PPP1R1C: variants seen among roughly 807,000 people sequenced by gnomAD.
The protein encoded by PPP1R1C is protein phosphatase 1 regulatory subunit 1C.
In PPP1R1C, 15 loss-of-function variants were observed where a neutral mutation model predicts 17.4. That is an observed-to-expected ratio of 0.86 (90% CI 0.58 to 1.33). The LOEUF (loss-of-function observed/expected upper bound fraction) is 1.33, where lower values mean the gene tolerates loss of function less well. Among genes scored for constraint, PPP1R1C ranks in the 40% most tolerant of loss-of-function variants. PPP1R1C has a pLI of 0.00. For missense variants in PPP1R1C, 143 were observed against 130.0 expected, an observed-to-expected ratio of 1.10 and a Z score of -0.48; for synonymous variants, 35 against 43.1, an observed-to-expected ratio of 0.81 and a Z score of 0.73.
At chr2:182,017,843 T>A (rs1297857180) in intron 2 of PPP1R1C, among the ~76,000 whole-genome samples, 1 of 152,176 alleles carries the variant, frequency 6.6e-6, no homozygotes, top group African/African-American at 2.4e-5. Flanking sequence ...AAGAGATGTA[T>A]GTTGAAAAAG....
At chr2:182,073,180 T>C (rs1490871748) in intron 4 of PPP1R1C, among the ~76,000 whole-genome samples, 4 of 151,914 alleles carry the variant, frequency 2.6e-5, no homozygotes, top group Non-Finnish European at 5.9e-5. Context: ...GCTGTGCTTC[T>C]TTGAGACTGA....
At chr2:182,099,031 AAATTAGT>A (rs1317860469) in intron 4 of PPP1R1C, among the ~76,000 whole-genome samples, 143 of 152,322 alleles carry the variant, frequency 9.4e-4, no homozygotes, top group Non-Finnish European at 5.0e-4. Flanking sequence ...GGAGGTCACC[AAATTAGT>A]AATAACTTGT....
At chr2:181,972,184 C>T (rs1685022077) in intron 1 of PPP1R1C, among the ~76,000 whole-genome samples, 1 of 152,092 alleles carries the variant, frequency 6.6e-6, no homozygotes, top group African/African-American at 2.4e-5. Flanking sequence ...CTTTACTCAG[C>T]CAAATTCACT....
intron 1 of PPP1R1C, among the ~76,000 whole-genome samples, chr2:181,955,594 C>A (rs972622582): frequency 6.6e-6 from 1 of 152,148 alleles, no homozygotes; most frequent in East Asian, 1.9e-4. Flanking sequence ...TCAAAGAGAT[C>A]AAAGTAAATG....
At chr2:182,048,201 T>C (rs943324036) in intron 2 of PPP1R1C, among the ~76,000 whole-genome samples, 2 of 152,200 alleles carry the variant, frequency 1.3e-5, no homozygotes, top group African/African-American at 4.8e-5. Context: ...TTCCAGTGCA[T>C]ATAACTTTAT....
intron 2 of PPP1R1C, among the ~76,000 whole-genome samples, chr2:182,021,463 GAC>G (rs1422161081): frequency 6.6e-6 from 1 of 151,624 alleles, no homozygotes; most frequent in African/African-American, 2.4e-5. Context: ...GAGTAGCTGG[GAC>G]TACAGGTGCG....
intron 4 of PPP1R1C, among the ~76,000 whole-genome samples, chr2:182,095,995 T>TAA (rs35074121): frequency 3.3e-4 from 43 of 131,556 alleles, no homozygotes; most frequent in South Asian, 4.8e-4. Flanking sequence ...AAAAAAACTC[T>TAA]AAAAAAAAAA....
chr2:182,059,042 G>GT (rs1687770665), intron 2 of PPP1R1C, among the ~76,000 whole-genome samples: 1 of 152,054 alleles, frequency 6.6e-6, no homozygotes, highest in African/African-American at 2.4e-5. Flanking sequence ...TGCATTCTCA[G>GT]TTTGTCCTGT....
rs1446133878 is a variant in PPP1R1C at position 181,967,527 on chromosome 2, A to G, written n.112-7692A>G. Among the ~76,000 whole-genome samples the G allele has an allele frequency of 6.6e-6, 1 of 151,846 alleles. No homozygotes were observed. Among genetic ancestry groups the G allele is most frequent in the Non-Finnish European group, 1.5e-5 (1 of 67,962 alleles). On this transcript the variant is annotated intron_variant and non_coding_transcript_variant, in intron 1 of 5. Transcript: ENST00000464264. The surrounding 1 kb of genome is among the most constrained non-coding windows in gnomAD (Gnocchi z 5.5). The stretch of plus-strand genomic sequence containing the variant: ...TTCATTTATTTCAAGAAATTCTTCA[A>G]CTTCCTTCTTAATTTTTTAATTGAT...
rs13395789 is a variant in PPP1R1C, at chr2:181,957,362, G to A, written n.111+2728G>A. ...ACAGAGTGAGACTCTGTCTTAAAAA[G>A]AGAAGAAAAAAATTGTGCTAACTCT... is the stretch of plus-strand genomic sequence containing the variant. On this transcript the variant is annotated intron_variant and non_coding_transcript_variant, in intron 1 of 5. Coordinates refer to the PPP1R1C transcript ENST00000464264. This position sits in a 1 kb window ranked among gnomAD's most constrained non-coding sequence, Gnocchi z 4.2. 0.024 allele frequency among the ~76,000 whole-genome samples: 3,672 copies of A among 151,970 alleles called. 148 individuals carry two copies. The highest frequency in any genetic ancestry group is 0.084 in the African/African-American group (3,484 of 41,432).
chr2:182,074,252 A>G (rs1314067206), intron 4 of PPP1R1C, among the ~76,000 whole-genome samples: 2 of 151,980 alleles, frequency 1.3e-5, no homozygotes, highest in Non-Finnish European at 2.9e-5. Flanking sequence ...CATATTAGCC[A>G]GGATGGTCTC....
chr2:182,088,764 T>C (rs533112292), intron 4 of PPP1R1C, among the ~76,000 whole-genome samples: 1 of 152,360 alleles, frequency 6.6e-6, no homozygotes, highest in South Asian at 2.1e-4. Flanking sequence ...CTTAGTCCTA[T>C]GTGTTTGGTT....
chr2:182,062,922 T>C lies in PPP1R1C; in HGVS notation c.181-809T>C, dbSNP rs865780600. On this transcript the variant is annotated intron_variant, in intron 3 of 4. Transcript: ENST00000682840. Reference sequence around the variant, plus strand: ...AACTCATTGATTAAGACCCGTACACTTGCCACATTAAAACATAAATCAACA... The same window carrying C: ...AACTCATTGATTAAGACCCGTACACCTGCCACATTAAAACATAAATCAACA... 3.3e-5 allele frequency among the ~76,000 whole-genome samples: 5 copies of C among 152,238 alleles called. No individual in the cohort carries two copies. The South Asian group carries it at 6.2e-4, about 19-fold the overall frequency.
chr2:182,038,083 G>A (rs1317400170), intron 2 of PPP1R1C, among the ~76,000 whole-genome samples: 2 of 151,868 alleles, frequency 1.3e-5, no homozygotes, highest in African/African-American at 2.4e-5. Context: ...TGTTGCCCAG[G>A]CTGGAGTGCA....
intron 2 of PPP1R1C, among the ~76,000 whole-genome samples, chr2:181,994,026 AAGAT>A (rs1205706721): frequency 1.3e-5 from 1 of 76,980 alleles, no homozygotes; most frequent in East Asian, 2.7e-4. Context: ...AGAAAAAAAA[AAGAT>A]CTATAGTACC....
chr2:182,029,958 T>A (rs1394500789), intron 2 of PPP1R1C, among the ~76,000 whole-genome samples: 43 of 79,614 alleles, frequency 5.4e-4, no homozygotes, highest in Non-Finnish European at 9.3e-4. Flanking sequence ...TTCATTTCAT[T>A]CATTTCATCT....
intron 4 of PPP1R1C, among the ~76,000 whole-genome samples, chr2:182,071,325 A>C (rs1208656279): frequency 6.6e-6 from 1 of 152,186 alleles, no homozygotes; most frequent in Non-Finnish European, 1.5e-5. Context: ...TATTTTCTAG[A>C]ATATCCCTGT....
downstream of PPP1R1C, among the ~76,000 whole-genome samples, chr2:182,121,791 C>G (rs778815345): frequency 1.3e-5 from 2 of 152,196 alleles, no homozygotes; most frequent in African/African-American, 4.8e-5. Flanking sequence ...CGTGAGCCCC[C>G]GTTCCCGGCC....
chr2:182,116,126 A>C (rs1689574393), intron 4 of PPP1R1C, among the ~76,000 whole-genome samples: 1 of 152,174 alleles, frequency 6.6e-6, no homozygotes, highest in Admixed American at 6.6e-5. Flanking sequence ...ATTTTGAAAA[A>C]AATCTAAAGA....
Sources: allele counts gnomAD v4.1 joint callset (sites outside exome capture counted in the v4.1 genomes callset), GRCh38; gene constraint gnomAD v4.1.1; non-coding constraint Gnocchi (gnomAD v3.1); transcripts MANE v1.5; gene names NCBI Gene and HGNC (gene_info 2026-07-23, HGNC 2026-07-21).